CFDP1: variants seen among roughly 807,000 people sequenced by gnomAD.
The protein encoded by CFDP1 is chromatin remodeling protein CFDP1, also known as heterochromatin-stabilizing protein CFDP1.
Under a neutral mutation model 40.1 loss-of-function variants are expected in CFDP1, and 31 were observed. That is an observed-to-expected ratio of 0.77 (90% CI 0.58 to 1.04). The LOEUF (loss-of-function observed/expected upper bound fraction) is 1.04. Ranked by LOEUF, CFDP1 falls within the 50% of genes least tolerant of loss-of-function variation. CFDP1 has a pLI of 0.00. For synonymous variants in CFDP1, 167 were observed against 120.0 expected (o/e 1.39, Z -2.56); for missense variants, 423 against 343.4 (o/e 1.23, Z -1.83).
chr16:75,389,998 T>C (rs1001799796), intron 5 of CFDP1, among the ~76,000 whole-genome samples: 6 of 152,212 alleles, frequency 3.9e-5, no homozygotes, highest in African/African-American at 1.4e-4. Flanking sequence ...CACGTACATT[T>C]TCACGTACAA....
At chr16:75,406,579 T>C (rs1047807106) in intron 4 of CFDP1, 4 of 151,998 alleles carry the variant, frequency 2.6e-5, no homozygotes, top group African/African-American at 4.8e-5. Flanking sequence ...CACGCACCTG[T>C]AATCCCAGCT....
In CFDP1 at chr16:75,422,730, A is replaced by AC. The variant is rs199901149; in HGVS notation, c.65-8036dup. On this transcript the variant is annotated intron_variant, in intron 1 of 6. Transcript: ENST00000283882. ...TCTTAAAACTGTGATCAAAAAAAAA[A>AC]CACGTTTTTAGAGGTTAAGGCAGAA... 2.3e-3 allele frequency among the ~76,000 whole-genome samples: 351 copies of AC among 151,894 alleles called. 1 individual carries two copies. Among genetic ancestry groups the AC allele is most frequent in the Non-Finnish European group, 4.2e-3 (283 of 67,922 alleles).
At chr16:75,413,333 C>G (rs1387068214) in intron 2 of CFDP1, among the ~76,000 whole-genome samples, 2 of 152,104 alleles carry the variant, frequency 1.3e-5, no homozygotes, top group African/African-American at 4.8e-5. Flanking sequence ...CTCTGGGAGG[C>G]CAAGGCCCAC....
chr16:75,314,197 A>G (rs538970417), intron 5 of CFDP1, among the ~76,000 whole-genome samples: 2 of 152,272 alleles, frequency 1.3e-5, no homozygotes, highest in East Asian at 1.9e-4. Flanking sequence ...GTTCATTGTT[A>G]TATTTGTCTA....
intron 5 of CFDP1, among the ~76,000 whole-genome samples, chr16:75,354,834 T>C (rs566935128): frequency 1.5e-4 from 23 of 152,336 alleles, no homozygotes; most frequent in African/African-American, 3.6e-4. Flanking sequence ...TACCGTCCCG[T>C]TGTTAATCTC....
At chr16:75,356,179 A>G (rs1419084458) in intron 5 of CFDP1, among the ~76,000 whole-genome samples, 1 of 152,244 alleles carries the variant, frequency 6.6e-6, no homozygotes, top group Non-Finnish European at 1.5e-5. Flanking sequence ...ATAAATCACT[A>G]TCTACGGCAG....
chr16:75,418,445 T>C (rs1381067583), intron 1 of CFDP1, among the ~76,000 whole-genome samples: 2 of 151,548 alleles, frequency 1.3e-5, no homozygotes, highest in East Asian at 4.0e-4. Flanking sequence ...TAGGTGGGAC[T>C]ACAGGCGTGC....
chr16:75,389,293 A>T (rs1196039622), intron 5 of CFDP1, among the ~76,000 whole-genome samples: 1 of 152,218 alleles, frequency 6.6e-6, no homozygotes, highest in African/African-American at 2.4e-5. Flanking sequence ...GAATGACAAG[A>T]CCATGAGAAT....
chr16:75,406,659 C>T (rs915209990), intron 4 of CFDP1: 5 of 151,916 alleles, frequency 3.3e-5, no homozygotes, highest in African/African-American at 1.2e-4. Flanking sequence ...CGAGATTGCG[C>T]CACTGCACTC....
At chr16:75,403,728 T>C (rs2079074907) in intron 4 of CFDP1, among the ~76,000 whole-genome samples, 2 of 152,244 alleles carry the variant, frequency 1.3e-5, no homozygotes, top group Admixed American at 6.5e-5. Flanking sequence ...TTTCAAACTA[T>C]TAAAAGTTTA....
chr16:75,364,514 G>A (rs761073740), intron 5 of CFDP1, among the ~76,000 whole-genome samples: 2 of 152,190 alleles, frequency 1.3e-5, no homozygotes, highest in African/African-American at 2.4e-5. Flanking sequence ...TCTGTCACAA[G>A]TGGATTTTTC....
At chr16:75,332,228 G>A (rs1343501143) in intron 5 of CFDP1, among the ~76,000 whole-genome samples, 1 of 152,154 alleles carries the variant, frequency 6.6e-6, no homozygotes, top group African/African-American at 2.4e-5. Flanking sequence ...ACTTTGGGAG[G>A]CCGAGGTGGG....
chr16:75,432,298 G>A (rs1313455159), intron 1 of CFDP1, among the ~76,000 whole-genome samples: 1 of 148,308 alleles, frequency 6.7e-6, no homozygotes, highest in Non-Finnish European at 1.5e-5. Flanking sequence ...CACTTTGGGT[G>A]GCTGAGGTGG....
chr16:75,359,219 GTTTAT>G (rs1215274321), intron 5 of CFDP1, among the ~76,000 whole-genome samples: 1 of 152,070 alleles, frequency 6.6e-6, no homozygotes. Flanking sequence ...AAATATACTA[GTTTAT>G]TTTAATTTCT....
intron 5 of CFDP1, among the ~76,000 whole-genome samples, chr16:75,327,786 C>A (rs866366650): frequency 3.3e-5 from 5 of 152,044 alleles, no homozygotes; most frequent in African/African-American, 4.8e-5. Flanking sequence ...TGCAATGGCG[C>A]GTTCTTGGCT....
At chr16:75,302,414 C>G (rs183428150) in intron 6 of CFDP1, among the ~76,000 whole-genome samples, 16 of 152,306 alleles carry the variant, frequency 1.1e-4, no homozygotes, top group Admixed American at 9.8e-4. Context: ...GTGTGCACCA[C>G]GTCCAACTAA....
chr16:75,365,685 T>G (rs185851877), intron 5 of CFDP1, among the ~76,000 whole-genome samples: 2 of 152,212 alleles, frequency 1.3e-5, no homozygotes, highest in East Asian at 3.9e-4. Flanking sequence ...TACTCCAGCT[T>G]GGGCAATACA....
At chr16:75,359,312 G>C (rs1488506217) in intron 5 of CFDP1, among the ~76,000 whole-genome samples, 2 of 152,120 alleles carry the variant, frequency 1.3e-5, no homozygotes, top group Non-Finnish European at 2.9e-5. Context: ...CAAAAAGTTT[G>C]AGAACTACTG....
At chr16:75,418,769 G>A (rs959428018) in intron 1 of CFDP1, among the ~76,000 whole-genome samples, 2 of 149,672 alleles carry the variant, frequency 1.3e-5, no homozygotes, top group African/African-American at 4.9e-5. Context: ...CAGGTCTGAG[G>A]CAAAGAAAGC....
Sources: gnomAD v4.1 joint callset for allele counts (sites outside exome capture counted in the v4.1 genomes callset) on GRCh38, gnomAD v4.1.1 for gene constraint, MANE v1.5 for transcripts, NCBI Gene and HGNC (gene_info 2026-07-23, HGNC 2026-07-21) for gene names.